The following FAM83B variants were observed in gnomAD, a reference collection of about 807,000 sequenced individuals.
The protein encoded by FAM83B is scaffolding CK1 anchoring protein B.
A neutral mutation model predicts 38.8 loss-of-function variants in FAM83B; 26 were observed. That is an observed-to-expected ratio of 0.67 (90% confidence interval 0.49 to 0.93). The LOEUF (loss-of-function observed/expected upper bound fraction) is 0.93. FAM83B is among the 40% of genes least tolerant of loss of function. FAM83B has a pLI of 0.00. For synonymous variants in FAM83B, 419 were observed against 423.1 expected (o/e 0.99, Z 0.12); for missense variants, 1,237 against 1,197.3 (o/e 1.03, Z -0.49).
chr6:54,912,288 A>G (rs904186380), intron 2 of FAM83B, among the ~76,000 whole-genome samples: 1 of 151,898 alleles, frequency 6.6e-6, no homozygotes, highest in African/African-American at 2.4e-5. Flanking sequence ...CTCAATTTCA[A>G]TAAAATGTCA....
At chr6:54,893,251 G>A (rs976144785) in intron 2 of FAM83B, among the ~76,000 whole-genome samples, 19 of 152,244 alleles carry the variant, frequency 1.2e-4, no homozygotes, top group African/African-American at 4.6e-4. Context: ...AACTAATACA[G>A]TATATTTTCG....
At chr6:54,880,692 C>T (rs113640134) in intron 2 of FAM83B, among the ~76,000 whole-genome samples, 4,251 of 152,232 alleles carry the variant, frequency 0.028, 93 homozygotes, top group Non-Finnish European at 0.046. Context: ...ATCTGTCCGC[C>T]TCGGCCTCCC....
At chr6:54,915,196 G>T (rs1401245820) in intron 2 of FAM83B, among the ~76,000 whole-genome samples, 1 of 151,886 alleles carries the variant, frequency 6.6e-6, no homozygotes, top group East Asian at 1.9e-4. Flanking sequence ...AGATTAAAAA[G>T]TAACACAACT....
At chr6:54,901,928 C>T (rs1358815820) in intron 2 of FAM83B, among the ~76,000 whole-genome samples, 1 of 152,074 alleles carries the variant, frequency 6.6e-6, no homozygotes, top group Admixed American at 6.6e-5. Flanking sequence ...GCTGTCTTCC[C>T]ATCCGTGGTC....
At chr6:54,917,330 G>A (rs948085010) in intron 2 of FAM83B, among the ~76,000 whole-genome samples, 5 of 152,120 alleles carry the variant, frequency 3.3e-5, no homozygotes, top group African/African-American at 9.7e-5. Context: ...TACAAAACAC[G>A]TGTTTAGAAA....
At chr6:54,889,929 A>G (rs1772362888) in intron 2 of FAM83B, among the ~76,000 whole-genome samples, 1 of 152,126 alleles carries the variant, frequency 6.6e-6, no homozygotes, top group African/African-American at 2.4e-5. Context: ...TCCTACAAAC[A>G]TACATAATTT....
intron 1 of FAM83B, among the ~76,000 whole-genome samples, chr6:54,856,671 G>T (rs560444485): frequency 6.6e-6 from 1 of 152,236 alleles, no homozygotes; most frequent in African/African-American, 2.4e-5. Flanking sequence ...ATTTTGAAAA[G>T]AACAAAAAGT....
intron 2 of FAM83B, among the ~76,000 whole-genome samples, chr6:54,908,142 A>G (rs1252269710): frequency 6.6e-6 from 1 of 151,928 alleles, no homozygotes; most frequent in Non-Finnish European, 1.5e-5. Flanking sequence ...AAAAAAAAAA[A>G]AAAAAAAGTC....
rs200428398 is a variant in FAM83B, at chr6:54,926,326, C to A, written c.445-45C>A. The A allele has an allele frequency of 5.8e-5, 75 of 1,304,092 alleles. 1 individual carries two copies. The African/African-American group carries it at 1.0e-3, about 18-fold the overall frequency. 80.8% of individuals were successfully genotyped at this position (1,304,092 alleles called of 1,614,324 possible). A position where few individuals can be genotyped will look rare whatever the true frequency, so the allele number is the denominator to read the frequency against. Reference sequence around the variant, plus strand: ...AAAGTAAGCAATTTCTTAAATCTTTCTCTATCAAGGATCTAAAATTGTTTC... The same window carrying A: ...AAAGTAAGCAATTTCTTAAATCTTTATCTATCAAGGATCTAAAATTGTTTC... On this transcript the variant is annotated intron_variant, in intron 2 of 4. Coordinates refer to ENST00000306858, the MANE Select transcript of FAM83B (RefSeq NM_001010872.3).
At chr6:54,925,497 C>G (rs997996241) in intron 2 of FAM83B, among the ~76,000 whole-genome samples, 1 of 152,170 alleles carries the variant, frequency 6.6e-6, no homozygotes, top group African/African-American at 2.4e-5. Context: ...ACAATCAACA[C>G]AGACTCTACA....
At chr6:54,931,597 C>G (rs943427510) in intron 4 of FAM83B, among the ~76,000 whole-genome samples, 1 of 151,724 alleles carries the variant, frequency 6.6e-6, no homozygotes, top group Non-Finnish European at 1.5e-5. Context: ...CCTGTTTTTC[C>G]TGATATTTTT....
intron 1 of FAM83B, among the ~76,000 whole-genome samples, chr6:54,856,322 A>T (rs1437077175): frequency 6.6e-6 from 1 of 152,232 alleles, no homozygotes; most frequent in Non-Finnish European, 1.5e-5. Flanking sequence ...GGCCTTAAGG[A>T]CAAATGAAAG....
At chr6:54,856,643 A>T (rs1771453072) in intron 1 of FAM83B, among the ~76,000 whole-genome samples, 2 of 152,346 alleles carry the variant, frequency 1.3e-5, no homozygotes, top group Non-Finnish European at 2.9e-5. Context: ...ACAAGTAAAG[A>T]AGCCAACAAA....
chr6:54,911,476 A>G (rs1772907964), intron 2 of FAM83B, among the ~76,000 whole-genome samples: 1 of 152,136 alleles, frequency 6.6e-6, no homozygotes, highest in South Asian at 2.1e-4. Flanking sequence ...ATTTTATTGA[A>G]TAAGTTACAT....
chr6:54,847,832 C>T (rs1042803480), intron 1 of FAM83B, among the ~76,000 whole-genome samples: 4 of 152,072 alleles, frequency 2.6e-5, no homozygotes, highest in African/African-American at 7.2e-5. Flanking sequence ...AGAGCTCAGG[C>T]GGCCAGAACA....
At position 54,943,044 on chromosome 6, in the gene FAM83B, AG is replaced by A. The variant is rs1207794361; in HGVS notation, c.*1039del. 1 of 152,092 alleles carries A rather than the reference AG, an allele frequency of 6.6e-6. No homozygotes were observed. The highest frequency in any genetic ancestry group is 1.5e-5 in the Non-Finnish European group (1 of 68,092). The allele number at this position is 152,092 out of a possible 1,614,324, so 9.4% of individuals were successfully genotyped here. ...CAGCCTCCTGAGTAGCTGGGATTAC[AG>A]GTGCGCACCACCACACCCGGCTAAT... On this transcript the variant is annotated 3_prime_UTR_variant, in exon 5 of 5. Coordinates refer to ENST00000306858, the MANE Select transcript of FAM83B (RefSeq NM_001010872.3).
rs1773742592 is a variant in FAM83B at position 54,943,169 on chromosome 6, G to A, written c.*1162G>A. 6.6e-6 allele frequency: 1 copy of A among 152,194 alleles called. No individual in the cohort carries two copies. Among genetic ancestry groups the A allele is most frequent in the African/African-American group, 2.4e-5 (1 of 41,422 alleles). 9.4% of individuals were successfully genotyped at this position (152,194 alleles called of 1,614,324 possible). ...TCCCGCCTCGGCCTCCCAGAGTGCT[G>A]GGATTACAGGTCTTGCTCTTCTTTA... is the stretch of plus-strand genomic sequence containing the variant. On this transcript the variant is annotated 3_prime_UTR_variant, in exon 5 of 5. Transcript: ENST00000306858.
chr6:54,896,446 A>G (rs1256745828), intron 2 of FAM83B, among the ~76,000 whole-genome samples: 1 of 152,172 alleles, frequency 6.6e-6, no homozygotes, highest in Non-Finnish European at 1.5e-5. Flanking sequence ...CTTGTTTTAT[A>G]CATAATTCAA....
intron 4 of FAM83B, among the ~76,000 whole-genome samples, chr6:54,936,123 A>T (rs1273801450): frequency 2.0e-5 from 3 of 152,122 alleles, no homozygotes; most frequent in Non-Finnish European, 4.4e-5. Context: ...GAATACAGAG[A>T]TCATTTCCAA....
Sources: allele counts gnomAD v4.1 joint callset (sites outside exome capture counted in the v4.1 genomes callset), GRCh38; gene constraint gnomAD v4.1.1; transcripts MANE v1.5; gene names NCBI Gene and HGNC (gene_info 2026-07-23, HGNC 2026-07-21).